The following MACROD2 variants were observed in gnomAD, a reference collection of about 807,000 sequenced individuals.
MACROD2 encodes ADP-ribose glycohydrolase MACROD2.
MACROD2 carries 36 observed loss-of-function variants against 70.4 expected under a neutral mutation model. That is an observed-to-expected ratio of 0.51 (90% confidence interval 0.39 to 0.68). The LOEUF (loss-of-function observed/expected upper bound fraction) is 0.68. MACROD2 is among the 30% of genes least tolerant of loss of function. MACROD2 has a pLI of 0.00. For missense variants in MACROD2, 496 were observed against 538.4 expected (o/e 0.92, Z 0.78); for synonymous variants, 172 against 178.8 (o/e 0.96, Z 0.30).
At chr20:15,948,886 G>A (rs1299549393) in intron 12 of MACROD2, among the ~76,000 whole-genome samples, 1 of 152,118 alleles carries the variant, frequency 6.6e-6, no homozygotes, top group East Asian at 1.9e-4. Context: ...AATAAGACTT[G>A]TAAACAAAAT....
chr20:15,282,392 A>G (rs2077453650), intron 6 of MACROD2, among the ~76,000 whole-genome samples: 1 of 152,172 alleles, frequency 6.6e-6, no homozygotes, highest in Non-Finnish European at 1.5e-5. Flanking sequence ...TTCCCTGTAA[A>G]CATAAGTTCC....
intron 8 of MACROD2, among the ~76,000 whole-genome samples, chr20:15,809,318 C>T (rs2063796548): frequency 6.6e-6 from 1 of 152,176 alleles, no homozygotes; most frequent in African/African-American, 2.4e-5. Context: ...AGGTCTTTGC[C>T]TCTGGTATCC....
chr20:14,904,273 A>C (rs1040989451), intron 5 of MACROD2, among the ~76,000 whole-genome samples: 2 of 152,160 alleles, frequency 1.3e-5, no homozygotes, highest in African/African-American at 4.8e-5. Flanking sequence ...CTTGTATTCT[A>C]ATCTCTGGGG....
At position 14,383,759 on chromosome 20, in the gene MACROD2, T is replaced by G. The variant is rs115861103; in HGVS notation, c.272-109720T>G. Among the ~76,000 whole-genome samples, 1,283 of 152,274 alleles carry G rather than the reference T, an allele frequency of 8.4e-3. 31 individuals are homozygous for G. The highest frequency in any genetic ancestry group is 0.03 in the African/African-American group (1,228 of 41,576). ...CACTTCAGAAACTTTATTTATTAGC[T>G]TTAGAGGTAGATCCTTCAATTAAGC... On this transcript the variant is annotated intron_variant, in intron 3 of 17. Coordinates refer to ENST00000684519, the MANE Select transcript of MACROD2 (RefSeq NM_001351661.2).
At chr20:16,025,558 A>T (rs2067066490) in intron 15 of MACROD2, among the ~76,000 whole-genome samples, 1 of 150,948 alleles carries the variant, frequency 6.6e-6, no homozygotes, top group South Asian at 2.1e-4. Context: ...CCACCCAGAG[A>T]TGTCAGGCCT....
chr20:14,253,729 A>C (rs1471850951), intron 3 of MACROD2, among the ~76,000 whole-genome samples: 1 of 152,096 alleles, frequency 6.6e-6, no homozygotes, highest in African/African-American at 2.4e-5. Flanking sequence ...TGGATTTGAA[A>C]TTCTGTGTGT....
intron 5 of MACROD2, among the ~76,000 whole-genome samples, chr20:14,863,739 T>C (rs187899253): frequency 5.9e-4 from 90 of 152,198 alleles, no homozygotes; most frequent in Middle Eastern, 3.4e-3. Flanking sequence ...CTCACATCAA[T>C]ACTATTAAAG....
chr20:14,889,206 A>C (rs1337008233), intron 5 of MACROD2, among the ~76,000 whole-genome samples: 1 of 152,150 alleles, frequency 6.6e-6, no homozygotes. Flanking sequence ...TTATGTAATA[A>C]ACATTTATTC....
chr20:14,107,662 A>G (rs1355910832), intron 3 of MACROD2, among the ~76,000 whole-genome samples: 1 of 149,394 alleles, frequency 6.7e-6, no homozygotes, highest in African/African-American at 2.4e-5. Flanking sequence ...ATAACATAAA[A>G]TGGCACTTCA....
chr20:14,220,163 G>C (rs1223878435), intron 3 of MACROD2, among the ~76,000 whole-genome samples: 2 of 152,052 alleles, frequency 1.3e-5, no homozygotes, highest in East Asian at 3.9e-4. Context: ...AGTGGAACTA[G>C]GTGTGTCTGA....
chr20:15,447,525 C>T (rs182030068), intron 7 of MACROD2, among the ~76,000 whole-genome samples: 1 of 152,172 alleles, frequency 6.6e-6, no homozygotes, highest in Non-Finnish European at 1.5e-5. Flanking sequence ...TCCTACCAGG[C>T]TCTCCAGCCC....
At chr20:14,998,423 G>A (rs576949603) in intron 5 of MACROD2, among the ~76,000 whole-genome samples, 2 of 152,024 alleles carry the variant, frequency 1.3e-5, no homozygotes, top group African/African-American at 2.4e-5. Context: ...ACAATGAAAT[G>A]GACATAATTT....
intron 5 of MACROD2, among the ~76,000 whole-genome samples, chr20:14,955,169 A>G (rs1411832535): frequency 7.7e-6 from 1 of 130,032 alleles, no homozygotes; most frequent in Non-Finnish European, 1.6e-5. Context: ...TATATAATTT[A>G]TATAATATAA....
intron 4 of MACROD2, among the ~76,000 whole-genome samples, chr20:14,626,042 T>C (rs180685223): frequency 6.2e-4 from 95 of 152,242 alleles, no homozygotes; most frequent in Non-Finnish European, 1.2e-3. Context: ...ATTAGGCTGG[T>C]CTCAAACTTG....
chr20:15,834,102 T>C (rs904627528), intron 8 of MACROD2, among the ~76,000 whole-genome samples: 1 of 152,166 alleles, frequency 6.6e-6, no homozygotes, highest in Admixed American at 6.5e-5. Flanking sequence ...AACTTACCTG[T>C]GTCCTGTAAA....
intron 8 of MACROD2, among the ~76,000 whole-genome samples, chr20:15,687,302 T>C (rs1453089696): frequency 6.7e-6 from 1 of 148,924 alleles, no homozygotes; most frequent in African/African-American, 2.5e-5. Context: ...ATATATATTT[T>C]ATATATATAT....
chr20:15,730,287 A>C (rs2050928027), intron 8 of MACROD2, among the ~76,000 whole-genome samples: 1 of 152,174 alleles, frequency 6.6e-6, no homozygotes, highest in Non-Finnish European at 1.5e-5. Flanking sequence ...GTTGCTTTAT[A>C]GTGTCAATGG....
chr20:14,267,476 TAAC>T (rs1198128233), intron 3 of MACROD2, among the ~76,000 whole-genome samples: 1 of 152,032 alleles, frequency 6.6e-6, no homozygotes, highest in African/African-American at 2.4e-5. Flanking sequence ...AATGCAAAAA[TAAC>T]AACAAAAACT....
chr20:15,064,228 CCTT>C (rs1258439137), intron 5 of MACROD2, among the ~76,000 whole-genome samples: 2 of 152,106 alleles, frequency 1.3e-5, no homozygotes, highest in East Asian at 1.9e-4. Flanking sequence ...GAGAAAATGA[CCTT>C]CTCCAGCTCA....
Sources: gnomAD v4.1 joint callset for allele counts (sites outside exome capture counted in the v4.1 genomes callset) on GRCh38, gnomAD v4.1.1 for gene constraint, MANE v1.5 for transcripts, NCBI Gene and HGNC (gene_info 2026-07-23, HGNC 2026-07-21) for gene names.